COL11A1: variants seen among roughly 807,000 people sequenced by gnomAD.
The protein encoded by COL11A1 is collagen alpha-1(XI) chain.
A neutral mutation model predicts 265.2 loss-of-function variants in COL11A1; 74 were observed. The ratio of observed to expected loss-of-function variants is 0.28; its 90% CI spans 0.23 to 0.34. The LOEUF (loss-of-function observed/expected upper bound fraction) is 0.34, where lower values mean the gene tolerates loss of function less well. Among genes scored for constraint, COL11A1 ranks in the 10% least tolerant of loss-of-function variants. The probability of loss-of-function intolerance (pLI) is 1.00; values close to 1 mark genes in which losing one functional copy is unlikely to be tolerated. For synonymous variants in COL11A1, 816 were observed against 727.6 expected (o/e 1.12, Z -1.96); for missense variants, 2,165 against 2,263.6 (o/e 0.96, Z 0.88).
chr1:102,920,651 GA>G (rs1655881221), intron 48 of COL11A1, among the ~76,000 whole-genome samples: 1 of 152,098 alleles, frequency 6.6e-6, no homozygotes, highest in Non-Finnish European at 1.5e-5. Flanking sequence ...TTTGCCAATA[GA>G]ATAGTCAGAT....
At chr1:103,048,915 G>C (rs145504323) in intron 4 of COL11A1, among the ~76,000 whole-genome samples, 1,620 of 152,258 alleles carry the variant, frequency 0.011, 28 homozygotes, top group African/African-American at 0.037. Context: ...GGTTTTGAGT[G>C]AGTTTCTTAA....
chr1:102,939,479 G>A (rs1273634466), intron 43 of COL11A1, among the ~76,000 whole-genome samples: 1 of 152,132 alleles, frequency 6.6e-6, no homozygotes, highest in Non-Finnish European at 1.5e-5. Flanking sequence ...TGAGGTGAAA[G>A]GTTGGGCCCA....
At position 103,051,553 on chromosome 1, in the gene COL11A1, G is replaced by A. The variant is rs928872356; in HGVS notation, c.652-20309C>T. Reference sequence around the variant, plus strand: ...AATTCCCTGACCCCTTGTGCTTCCCGGGTAAGGTGATGCCTCGCCTTGCTT... The same window carrying A: ...AATTCCCTGACCCCTTGTGCTTCCCAGGTAAGGTGATGCCTCGCCTTGCTT... On this transcript the variant is annotated intron_variant, in intron 4 of 66. Coordinates refer to ENST00000370096, the MANE Select transcript of COL11A1 (RefSeq NM_001854.4). 2.7e-4 allele frequency among the ~76,000 whole-genome samples: 41 copies of A among 152,172 alleles called. 2 individuals are homozygous for A. Among genetic ancestry groups the A allele is most frequent in the Admixed American group, 2.4e-3 (37 of 15,276 alleles).
At chr1:103,083,828 T>C (rs565767493) in intron 1 of COL11A1, among the ~76,000 whole-genome samples, 1 of 152,292 alleles carries the variant, frequency 6.6e-6, no homozygotes, top group African/African-American at 2.4e-5. Context: ...ACATTTTTTT[T>C]GTAGTCTTAG....
intron 4 of COL11A1, among the ~76,000 whole-genome samples, chr1:103,048,202 G>A (rs1024019840): frequency 2.9e-4 from 44 of 152,234 alleles, no homozygotes; most frequent in African/African-American, 1.0e-3. Context: ...TTGTACCTCT[G>A]GTAGAATTTG....
At chr1:102,952,255 C>T (rs1170394529) in intron 41 of COL11A1, among the ~76,000 whole-genome samples, 6 of 151,990 alleles carry the variant, frequency 3.9e-5, no homozygotes, top group African/African-American at 7.2e-5. Flanking sequence ...CCCGCCACCA[C>T]GTCCAGGTAA....
At chr1:103,073,857 C>T (rs2102277225) in intron 4 of COL11A1, among the ~76,000 whole-genome samples, 1 of 152,000 alleles carries the variant, frequency 6.6e-6, no homozygotes, top group East Asian at 1.9e-4. Context: ...TAGCAAATCT[C>T]CAGGTGAAAC....
At chr1:102,944,418 T>C (rs1477941868) in intron 42 of COL11A1, among the ~76,000 whole-genome samples, 1 of 152,174 alleles carries the variant, frequency 6.6e-6, no homozygotes, top group Non-Finnish European at 1.5e-5. Flanking sequence ...CCCTTAGTTA[T>C]TCTAAATAGC....
chr1:103,064,178 T>C (rs537956299), intron 4 of COL11A1, among the ~76,000 whole-genome samples: 1 of 152,204 alleles, frequency 6.6e-6, no homozygotes, highest in Non-Finnish European at 1.5e-5. Flanking sequence ...CAAAGCATAT[T>C]CATACAACAA....
intron 1 of COL11A1, among the ~76,000 whole-genome samples, chr1:103,094,933 T>C (rs1480649060): frequency 6.6e-6 from 1 of 152,026 alleles, no homozygotes; most frequent in Non-Finnish European, 1.5e-5. Context: ...AATACATGAT[T>C]CTGAATTTAT....
intron 14 of COL11A1, among the ~76,000 whole-genome samples, chr1:103,009,980 C>T (rs560850228): frequency 7.9e-5 from 12 of 152,030 alleles, no homozygotes; most frequent in African/African-American, 1.7e-4. Context: ...TTTAATTAAT[C>T]GACTGTATTA....
chr1:103,066,102 G>T (rs1363980589), intron 4 of COL11A1, among the ~76,000 whole-genome samples: 2 of 152,012 alleles, frequency 1.3e-5, no homozygotes, highest in African/African-American at 4.8e-5. Context: ...AGAAAACTAA[G>T]AGATACATCA....
chr1:103,087,357 C>T (rs1316986892), intron 1 of COL11A1, among the ~76,000 whole-genome samples: 1 of 152,180 alleles, frequency 6.6e-6, no homozygotes, highest in Admixed American at 6.5e-5. Flanking sequence ...CATACTTTTT[C>T]CCATCAATCT....
chr1:102,891,252 G>GA (rs1477884597), intron 57 of COL11A1, among the ~76,000 whole-genome samples: 1 of 152,028 alleles, frequency 6.6e-6, no homozygotes, highest in African/African-American at 2.4e-5. Context: ...TATTCATGAA[G>GA]AAGTTAGAGA....
intron 54 of COL11A1, among the ~76,000 whole-genome samples, chr1:102,905,973 T>C (rs1377722337): frequency 6.6e-6 from 1 of 152,176 alleles, no homozygotes; most frequent in Non-Finnish European, 1.5e-5. Context: ...ATTTCATGTA[T>C]ACAACTAGGA....
intron 31 of COL11A1, among the ~76,000 whole-genome samples, 189 bp downstream of exon 31, chr1:102,983,949 A>T (rs1372151709): frequency 6.6e-6 from 1 of 152,084 alleles, no homozygotes; most frequent in Non-Finnish European, 1.5e-5. Context: ...AAAATACTGC[A>T]ATCCATAATC....
At chr1:103,099,343 A>G (rs1228089447) in intron 1 of COL11A1, among the ~76,000 whole-genome samples, 1 of 151,532 alleles carries the variant, frequency 6.6e-6, no homozygotes, top group Non-Finnish European at 1.5e-5. Context: ...AATAATTCCA[A>G]TATACATAAA....
At chr1:103,006,730 G>T (rs543428541) in intron 15 of COL11A1, among the ~76,000 whole-genome samples, 2 of 151,570 alleles carry the variant, frequency 1.3e-5, no homozygotes, top group East Asian at 3.9e-4. Context: ...GTAGAGATGG[G>T]GTTTCACCAG....
At chr1:103,029,793 G>A (rs1667831803) in intron 5 of COL11A1, among the ~76,000 whole-genome samples, 1 of 151,812 alleles carries the variant, frequency 6.6e-6, no homozygotes, top group Non-Finnish European at 1.5e-5. Context: ...TAAGAAGATG[G>A]ATACAAATTA....
Sources: gnomAD v4.1 joint callset for allele counts (sites outside exome capture counted in the v4.1 genomes callset) on GRCh38, gnomAD v4.1.1 for gene constraint, MANE v1.5 for transcripts, NCBI Gene and HGNC (gene_info 2026-07-23, HGNC 2026-07-21) for gene names.